Variants in SEPTIN9 observed in about 807,000 individuals in gnomAD.
SEPTIN9 encodes the protein septin 9, also known as septin-9.
A neutral mutation model predicts 56.6 loss-of-function variants in SEPTIN9; 13 were observed. The ratio of observed to expected loss-of-function variants is 0.23; its 90% CI spans 0.15 to 0.37. The LOEUF (loss-of-function observed/expected upper bound fraction) is 0.37. SEPTIN9 is among the 10% of genes least tolerant of loss of function. The pLI is 1.00. For synonymous variants in SEPTIN9, 332 were observed against 334.1 expected (o/e 0.99, Z 0.07); for missense variants, 650 against 823.1 (o/e 0.79, Z 2.57).
At chr17:77,363,019 G>A (rs1286011872) in intron 2 of SEPTIN9, among the ~76,000 whole-genome samples, 2 of 152,364 alleles carry the variant, frequency 1.3e-5, no homozygotes, top group Admixed American at 1.3e-4. Flanking sequence ...TGACCAAGGC[G>A]GGGAGAAGTG....
intron 3 of SEPTIN9, among the ~76,000 whole-genome samples, chr17:77,459,954 G>A (rs1321865009): frequency 1.3e-5 from 2 of 152,076 alleles, no homozygotes; most frequent in East Asian, 3.9e-4. Context: ...GGGATTACAG[G>A]TGTGAGCCAC....
At chr17:77,407,686 G>A (rs1407353644) in intron 3 of SEPTIN9, among the ~76,000 whole-genome samples, 1 of 152,214 alleles carries the variant, frequency 6.6e-6, no homozygotes, top group Non-Finnish European at 1.5e-5. Flanking sequence ...CCCAGGGCCT[G>A]GTGAGGTCTG....
At position 77,402,822 on chromosome 17, in the gene SEPTIN9, C is replaced by T; in HGVS notation, c.721+119C>T. On this transcript the variant is annotated intron_variant, in intron 3 of 11. Coordinates refer to ENST00000427177, the MANE Select transcript of SEPTIN9 (RefSeq NM_001113491.2). The surrounding 1 kb of genome is among the most constrained non-coding windows in gnomAD (Gnocchi z 6.6). Reference sequence around the variant, plus strand: ...GGGGTGGAGGGTGCTACCCTGGAGACCCAGAAAGACCGGAATGCATGGGGG... The same window carrying T: ...GGGGTGGAGGGTGCTACCCTGGAGATCCAGAAAGACCGGAATGCATGGGGG... 1 of 1,035,760 alleles carries T rather than the reference C, an allele frequency of 9.7e-7. No individual in the cohort carries two copies. The highest frequency in any genetic ancestry group is 1.4e-6 in the Non-Finnish European group (1 of 733,000). 64.2% of individuals were successfully genotyped at this position (1,035,760 alleles called of 1,614,324 possible). A position where few individuals can be genotyped will look rare whatever the true frequency, so the allele number is the denominator to read the frequency against.
In SEPTIN9 at chr17:77,375,240, G is replaced by A. The variant is rs77837748; in HGVS notation, c.77-26819G>A. The A allele has an allele frequency of 5.7e-3, 869 of 152,430 alleles. 7 individuals are homozygous for A. Among genetic ancestry groups the A allele is most frequent in the African/African-American group, 0.019 (809 of 41,572 alleles). 9.4% of individuals were successfully genotyped at this position (152,430 alleles called of 1,614,324 possible). A position where few individuals can be genotyped will look rare whatever the true frequency, so the allele number is the denominator to read the frequency against. On this transcript the variant is annotated intron_variant, in intron 2 of 11. Transcript: ENST00000427177. ...CTTGTCCCAAATGTCCAAGTGGCAC[G>A]ACTTAGCCGGTCTGACCACTTTCCA...
chr17:77,356,172 A>G (rs1405616281), intron 2 of SEPTIN9, among the ~76,000 whole-genome samples: 1 of 152,076 alleles, frequency 6.6e-6, no homozygotes, highest in African/African-American at 2.4e-5. Flanking sequence ...AAGAGGCGAC[A>G]CTGTGTCTCA....
intron 2 of SEPTIN9, chr17:77,322,804 G>T (rs185519974): frequency 6.6e-6 from 1 of 152,314 alleles, no homozygotes; most frequent in African/African-American, 2.4e-5. Flanking sequence ...GGCTCACGCC[G>T]CGTTGTCAGG....
intron 2 of SEPTIN9, among the ~76,000 whole-genome samples, chr17:77,331,615 A>G (rs988118391): frequency 2.6e-5 from 4 of 152,198 alleles, no homozygotes; most frequent in Admixed American, 6.6e-5. Flanking sequence ...TCGAGAGTCC[A>G]GCTCCTGCGG....
rs548760728 is a variant in SEPTIN9 at position 77,286,688 on chromosome 17, T to A, written c.19+5134T>A. Among the ~76,000 whole-genome samples, 8 of 152,310 alleles carry A rather than the reference T, an allele frequency of 5.3e-5. No homozygotes were observed. In the South Asian group the frequency reaches 1.7e-3, roughly 32 times the overall value. ...GTGACTGGGACCTAGAGGTGGCCCCTGTTTCCGCCCCAGTGTTTGTCCACA... is the reference window on the plus strand; with the variant it reads ...GTGACTGGGACCTAGAGGTGGCCCCAGTTTCCGCCCCAGTGTTTGTCCACA... On this transcript the variant is annotated intron_variant, in intron 1 of 11. Transcript: ENST00000427177.
intron 2 of SEPTIN9, among the ~76,000 whole-genome samples, chr17:77,309,077 G>A (rs991124439): frequency 6.6e-6 from 1 of 152,258 alleles, no homozygotes; most frequent in Non-Finnish European, 1.5e-5. Flanking sequence ...CATCTGATCT[G>A]CCTCTCCATC....
intron 3 of SEPTIN9, among the ~76,000 whole-genome samples, chr17:77,416,470 C>A (rs1307924303): frequency 8.5e-5 from 13 of 152,190 alleles, no homozygotes; most frequent in Admixed American, 8.5e-4. Context: ...TGGGCCCCTC[C>A]CTGAAGCAGC....
chr17:77,311,059 A>G (rs548531818), intron 2 of SEPTIN9, among the ~76,000 whole-genome samples: 48 of 152,208 alleles, frequency 3.2e-4, no homozygotes, highest in Admixed American at 1.6e-3. Flanking sequence ...TCTTGAGATG[A>G]GGTCATTCTG....
At chr17:77,357,993 T>A (rs1405310312) in intron 2 of SEPTIN9, among the ~76,000 whole-genome samples, 1 of 152,210 alleles carries the variant, frequency 6.6e-6, no homozygotes, top group Non-Finnish European at 1.5e-5. Context: ...TTATAAATAA[T>A]GAGGGCTACC....
Position 77,330,167 on chromosome 17 carries a change from GCT to G in SEPTIN9, c.76+22973_76+22974del, listed in dbSNP as rs1697679099. ...CCTGTGATCGCTGGGTGTTCCTGATGCTCTGTCCCCTCTGCGTCCTGTGCCGT... is the reference window on the plus strand; with the variant it reads ...CCTGTGATCGCTGGGTGTTCCTGATGCTGTCCCCTCTGCGTCCTGTGCCGT... On this transcript the variant is annotated intron_variant, in intron 2 of 11. Coordinates refer to ENST00000427177, the MANE Select transcript of SEPTIN9 (RefSeq NM_001113491.2). This position sits in a 1 kb window ranked among gnomAD's most constrained non-coding sequence, Gnocchi z 4.4. Among the ~76,000 whole-genome samples, 1 of 152,212 alleles carries G rather than the reference GCT, an allele frequency of 6.6e-6. No homozygotes were observed. Among genetic ancestry groups the G allele is most frequent in the South Asian group, 2.1e-4 (1 of 4,834 alleles).
intron 3 of SEPTIN9, among the ~76,000 whole-genome samples, chr17:77,406,891 G>A (rs914047721): frequency 8.6e-5 from 13 of 151,890 alleles, no homozygotes; most frequent in African/African-American, 2.9e-4. Flanking sequence ...GGCTGGTCTC[G>A]AACTCCTGAC....
chr17:77,306,522 C>T (rs137895099), intron 1 of SEPTIN9, among the ~76,000 whole-genome samples: 132 of 151,262 alleles, frequency 8.7e-4, no homozygotes, highest in Middle Eastern at 3.4e-3. Flanking sequence ...GCAGAGGGAG[C>T]GCATGCCGCG....
chr17:77,382,127 A>G (rs948744450), intron 2 of SEPTIN9, among the ~76,000 whole-genome samples: 2 of 152,000 alleles, frequency 1.3e-5, no homozygotes, highest in African/African-American at 4.8e-5. Flanking sequence ...TCCTGGGTTC[A>G]AGCGATTCTC....
rs138270732 is a variant in SEPTIN9 at position 77,287,974 on chromosome 17, G to A, written c.19+6420G>A. On this transcript the variant is annotated intron_variant, in intron 1 of 11. Coordinates refer to ENST00000427177, the MANE Select transcript of SEPTIN9 (RefSeq NM_001113491.2). ...GTCATCCTCAGAGCGGTGTTGGCCC[G>A]GGGCCTTCAGTGGCCTTTGTGTCTG... is the stretch of plus-strand genomic sequence containing the variant. 6.0e-3 allele frequency: 6,321 copies of A among 1,054,708 alleles called. 32 individuals carry two copies. Among genetic ancestry groups the A allele is most frequent in the Middle Eastern group, 0.014 (33 of 2,324 alleles). 65.3% of individuals were successfully genotyped at this position (1,054,708 alleles called of 1,614,324 possible). A position where few individuals can be genotyped will look rare whatever the true frequency, so the allele number is the denominator to read the frequency against.
chr17:77,402,436 A>G lies in SEPTIN9; in HGVS notation c.454A>G (p.Ile152Val). Residue 152 changes from isoleucine (I) to valine (V), a missense_variant, in exon 3 of 12, where the codon ATC becomes GTC. This residue lies in a region of SEPTIN9 where 317 missense variants were observed against 329.1 expected (regional missense o/e 0.96). Coordinates refer to ENST00000427177, the MANE Select transcript of SEPTIN9 (RefSeq NM_001113491.2). The surrounding 1 kb of genome is among the most constrained non-coding windows in gnomAD (Gnocchi z 6.6). ...TPEPAPRRTEITIVKPQESAH... is the reference protein window; with the variant it reads ...TPEPAPRRTEVTIVKPQESAH... ...AGAACCGGCCCCTCGGAGGACGGAG[A>G]TCACCATCGTCAAACCCCAGGAGTC... 1.2e-6 allele frequency: 2 copies of G among 1,610,672 alleles called. No individual in the cohort carries two copies. The highest frequency in any genetic ancestry group is 8.5e-7 in the Non-Finnish European group (1 of 1,178,902).
rs186583052 is a variant in SEPTIN9, at chr17:77,359,027, G to A, written c.77-43032G>A. Among the ~76,000 whole-genome samples the A allele has an allele frequency of 1.9e-4, 29 of 152,270 alleles. 1 individual carries two copies. The highest frequency in any genetic ancestry group is 1.4e-3 in the Admixed American group (22 of 15,296). The stretch of plus-strand genomic sequence containing the variant: ...AGCTGAGATGGTTCCAGCTCCTGCC[G>A]TCATGTCTGCACTCCAGCCAGAGGG... On this transcript the variant is annotated intron_variant, in intron 2 of 11. Transcript: ENST00000427177.
Sources: gnomAD v4.1 joint callset for allele counts (sites outside exome capture counted in the v4.1 genomes callset) on GRCh38, gnomAD v4.1.1 for gene constraint, gnomAD v4.1.1 regional missense constraint, Gnocchi (gnomAD v3.1) non-coding constraint, MANE v1.5 for transcripts, NCBI Gene and HGNC (gene_info 2026-07-23, HGNC 2026-07-21) for gene names.